WDTC1: variants seen among roughly 807,000 people sequenced by gnomAD.
WDTC1 encodes WD and tetratricopeptide repeats 1.
Under a neutral mutation model 76.0 loss-of-function variants are expected in WDTC1, and 12 were observed. The ratio of observed to expected loss-of-function variants is 0.16; its 90% confidence interval spans 0.10 to 0.26. WDTC1 has a LOEUF of 0.26. WDTC1 is among the 10% of genes least tolerant of loss of function. WDTC1 has a pLI of 1.00. For missense variants in WDTC1, 511 were observed against 908.8 expected (o/e 0.56, Z 5.63); for synonymous variants, 326 against 350.8 (o/e 0.93, Z 0.79).
chr1:27,291,812 C>T (rs565840298), intron 6 of WDTC1, among the ~76,000 whole-genome samples: 58 of 152,268 alleles, frequency 3.8e-4, no homozygotes, highest in Admixed American at 2.0e-3. Flanking sequence ...CTAGCAGTGT[C>T]ATCTCAGTCA....
At position 27,247,044 on chromosome 1, in the gene WDTC1, A is replaced by G. The variant is rs1268071387; in HGVS notation, c.-100+12093A>G. Among the ~76,000 whole-genome samples the G allele has an allele frequency of 2.6e-5, 4 of 151,318 alleles. No individual in the cohort carries two copies. In the East Asian group the frequency reaches 5.8e-4, roughly 22 times the overall value. Reference sequence around the variant, plus strand: ...ACCGCACCCAGCCTATTTCTGCATTATTATTTATTTAATTAATTAAACTTT... The same window carrying G: ...ACCGCACCCAGCCTATTTCTGCATTGTTATTTATTTAATTAATTAAACTTT... On this transcript the variant is annotated intron_variant, in intron 1 of 15. Transcript: ENST00000319394.
chr1:27,261,918 T>C (rs1029500144), intron 2 of WDTC1, among the ~76,000 whole-genome samples: 1 of 152,076 alleles, frequency 6.6e-6, no homozygotes. Context: ...TAAAAAGTAC[T>C]AAAGTACTAA....
At chr1:27,269,606 G>GTTTTTTTTTTTTTTTTTTT (rs56885576) in intron 3 of WDTC1, among the ~76,000 whole-genome samples, 5 of 119,472 alleles carry the variant, frequency 4.2e-5, no homozygotes, top group Non-Finnish European at 4.8e-5. Flanking sequence ...TTTGTTTTTT[G>GTTTTTTTTTTTTTTTTTTT]TTTTTTTTTT....
intron 1 of WDTC1, among the ~76,000 whole-genome samples, chr1:27,259,619 C>T (rs572908164): frequency 6.6e-6 from 1 of 152,098 alleles, no homozygotes; most frequent in African/African-American, 2.4e-5. Flanking sequence ...CAGCACTGCA[C>T]CACCACACCT....
intron 10 of WDTC1, 87 bp from the exon 11 acceptor site, chr1:27,296,940 TCCCACGATGGAACCATCAGAC>T: frequency 1.0e-6 from 1 of 967,084 alleles, no homozygotes; most frequent in Non-Finnish European, 1.6e-6. Flanking sequence ...GGGAGAACAG[TCCCACGATGGAACCATCAGAC>T]CCCGTGATGG....
upstream of WDTC1, chr1:27,234,508 G>C (rs189752680): frequency 1.6e-3 from 536 of 341,170 alleles, 3 homozygotes; most frequent in African/African-American, 9.6e-3. Flanking sequence ...GACCGGGCGC[G>C]GGGGGGTAAG....
At position 27,294,564 on chromosome 1, in the gene WDTC1, G is replaced by A; in HGVS notation, c.808G>A (p.Val270Ile). ...CTACAACAACCGTTTGAGAGTGCTG[G>A]TTGCCACCTATGTGACCTTCAGCCC... ...PDYNNRLRVL[V>I]ATYVTFSPNG... Residue 270 changes from valine to isoleucine, a missense_variant, in exon 9 of 16, where the codon GTT (valine) becomes ATT (isoleucine). Val to Ile is a conservative substitution (Grantham distance 29). Coordinates refer to ENST00000319394, the MANE Select transcript of WDTC1 (RefSeq NM_001276252.2). 1 of 1,614,180 alleles carries A rather than the reference G, an allele frequency of 6.2e-7. No homozygotes were observed. Among genetic ancestry groups the A allele is most frequent in the Non-Finnish European group, 8.5e-7 (1 of 1,180,030 alleles).
At chr1:27,286,663 C>G (rs919369162) in intron 5 of WDTC1, among the ~76,000 whole-genome samples, 6 of 151,022 alleles carry the variant, frequency 4.0e-5, no homozygotes, top group Non-Finnish European at 8.9e-5. Context: ...GGGGTTTCAC[C>G]GTGTTAGCCA....
chr1:27,260,978 G>C lies in WDTC1; in HGVS notation c.-77G>C, dbSNP rs2012459933. The C allele has an allele frequency of 6.7e-7, 1 of 1,501,586 alleles. No homozygotes were observed. The highest frequency in any genetic ancestry group is 9.2e-7 in the Non-Finnish European group (1 of 1,088,722). 93.0% of individuals were successfully genotyped at this position (1,501,586 alleles called of 1,614,324 possible). A position where few individuals can be genotyped will look rare whatever the true frequency, so the allele number is the denominator to read the frequency against. ...CAGGTAATTAAATGTGTATTTTGTG[G>C]ACCTGGGCTTGGCTGGAATGCTCAG... On this transcript the variant is annotated 5_prime_UTR_variant, in exon 2 of 16. Transcript: ENST00000319394.
At chr1:27,295,714 C>G (rs2147983476) in intron 9 of WDTC1, among the ~76,000 whole-genome samples, 1 of 152,194 alleles carries the variant, frequency 6.6e-6, no homozygotes, top group African/African-American at 2.4e-5. Context: ...CTCACCCTCC[C>G]AAATGCTGGG....
At chr1:27,269,809 AC>A (rs1176057220) in intron 3 of WDTC1, among the ~76,000 whole-genome samples, 1 of 151,614 alleles carries the variant, frequency 6.6e-6, no homozygotes, top group Non-Finnish European at 1.5e-5. Context: ...ACGACGTTTC[AC>A]CATATTGGCC....
chr1:27,251,875 C>A (rs528430798), intron 1 of WDTC1, among the ~76,000 whole-genome samples: 3 of 152,052 alleles, frequency 2.0e-5, no homozygotes, highest in African/African-American at 7.2e-5. Context: ...ATGGTGAAAC[C>A]TCATCTCTAC....
intron 5 of WDTC1, among the ~76,000 whole-genome samples, chr1:27,284,313 G>T (rs770884610): frequency 2.0e-5 from 3 of 152,156 alleles, no homozygotes; most frequent in Non-Finnish European, 4.4e-5. Flanking sequence ...GAAATGGCCT[G>T]CAAGGAAGGG....
In WDTC1 at chr1:27,301,554, G is replaced by A; in HGVS notation, c.1468+93G>A. The A allele has an allele frequency of 1.4e-6, 2 of 1,408,942 alleles. No homozygotes were observed. The highest frequency in any genetic ancestry group is 2.4e-5 in the East Asian group (1 of 42,094). The allele number at this position is 1,408,942 out of a possible 1,614,324, so 87.3% of individuals were successfully genotyped here. On this transcript the variant is annotated intron_variant, in intron 13 of 15. Coordinates refer to ENST00000319394, the MANE Select transcript of WDTC1 (RefSeq NM_001276252.2). The surrounding 1 kb of genome is among the most constrained non-coding windows in gnomAD (Gnocchi z 5.8). ...AGGTCATGGTTCTGGGATTGGAGAG[G>A]CCTGGGTTCAGATGTTGATTCAGAA...
At chr1:27,300,525 C>G (rs2013804777) in intron 12 of WDTC1, among the ~76,000 whole-genome samples, 1 of 152,166 alleles carries the variant, frequency 6.6e-6, no homozygotes, top group Non-Finnish European at 1.5e-5. Flanking sequence ...ACTCCCACTT[C>G]CCTTCATCCA....
chr1:27,250,038 C>A (rs1406803796), intron 1 of WDTC1, among the ~76,000 whole-genome samples: 1 of 152,108 alleles, frequency 6.6e-6, no homozygotes, highest in African/African-American at 2.4e-5. Context: ...TCAGCTTCAT[C>A]TCTGGTAGGG....
intron 1 of WDTC1, among the ~76,000 whole-genome samples, chr1:27,245,064 C>T (rs1026331766): frequency 6.6e-6 from 1 of 151,674 alleles, no homozygotes; most frequent in Admixed American, 6.6e-5. Context: ...AAGGCAGAGG[C>T]TGGCTTGGAG....
chr1:27,246,720 C>CCCG (rs1156662944), intron 1 of WDTC1, among the ~76,000 whole-genome samples: 2 of 151,948 alleles, frequency 1.3e-5, no homozygotes, highest in African/African-American at 4.8e-5. Context: ...CGCCACCACG[C>CCCG]CCGGCTAATT....
chr1:27,297,567 T>C (rs1286967576), intron 11 of WDTC1, among the ~76,000 whole-genome samples: 1 of 152,136 alleles, frequency 6.6e-6, no homozygotes, highest in Non-Finnish European at 1.5e-5. Flanking sequence ...TTCCCTAGCC[T>C]TGAGAGAAAT....
Sources: allele counts gnomAD v4.1 joint callset (sites outside exome capture counted in the v4.1 genomes callset), GRCh38; gene constraint gnomAD v4.1.1; non-coding constraint Gnocchi (gnomAD v3.1); transcripts MANE v1.5; gene names NCBI Gene and HGNC (gene_info 2026-07-23, HGNC 2026-07-21).